Variants in CCDC88A observed in about 807,000 individuals in gnomAD.
CCDC88A encodes girdin.
Under a neutral mutation model 234.3 loss-of-function variants are expected in CCDC88A, and 54 were observed. The observed-to-expected ratio is 0.23, with a 90% CI of 0.19 to 0.29. CCDC88A has a LOEUF of 0.29. Ranked by LOEUF, CCDC88A falls within the 10% of genes least tolerant of loss-of-function variation. CCDC88A has a pLI of 1.00. For synonymous variants in CCDC88A, 753 were observed against 737.8 expected, an observed-to-expected ratio of 1.02 and a Z score of -0.33; for missense variants, 1,832 against 2,123.4, an observed-to-expected ratio of 0.86 and a Z score of 2.70.
intron 12 of CCDC88A, 87 bp downstream of exon 12, chr2:55,343,561 C>A: frequency 1.0e-6 from 1 of 965,976 alleles, no homozygotes; most frequent in South Asian, 1.8e-5. Context: ...GAGATATCTC[C>A]CACTGCGGAA....
In CCDC88A at chr2:55,346,317, G is replaced by A. The variant is rs769621745; in HGVS notation, c.899C>T (p.Ser300Leu). 2.0e-5 allele frequency: 32 copies of A among 1,588,754 alleles called. No individual in the cohort carries two copies. The highest frequency in any genetic ancestry group is 4.0e-5 in the African/African-American group (3 of 74,376). ...RLQQENMNLL[S>L]DARSARMYRD... ...GTACATTCTGGCAGAGCGAGCATCC[G>A]AAAGCAAATTCATGTTCTAAACAAA... Residue 300 changes from serine to leucine, a missense_variant, in exon 10 of 33, where the codon TCG becomes TTG. By Grantham distance (145) the Ser-to-Leu change is moderately radical. Transcript: ENST00000436346.
In CCDC88A at chr2:55,332,722, CTAAG is replaced by C; in HGVS notation, c.2728-33_2728-30del. 1 of 1,608,616 alleles carries C rather than the reference CTAAG, an allele frequency of 6.2e-7. No homozygotes were observed. The highest frequency in any genetic ancestry group is 8.5e-7 in the Non-Finnish European group (1 of 1,176,768). ...ATTTTAAAAGAAATGCAAAACTCACCTAAGTGTCAAGGGTATAAACATCTAAGAA... is the reference window on the plus strand; with the variant it reads ...ATTTTAAAAGAAATGCAAAACTCACCTGTCAAGGGTATAAACATCTAAGAA... On this transcript the variant is annotated intron_variant, in intron 15 of 32. Transcript: ENST00000436346. This position sits in a 1 kb window ranked among gnomAD's most constrained non-coding sequence, Gnocchi z 4.5.
chr2:55,299,977 G>A, intron 28 of CCDC88A, 58 bp from the exon 29 acceptor site: 1 of 1,102,818 alleles, frequency 9.1e-7, no homozygotes, highest in South Asian at 1.3e-5. Flanking sequence ...ATGCTGATGA[G>A]CTTTTACATT....
Position 55,301,406 on chromosome 2 carries a change from T to C in CCDC88A, c.4673-129A>G, listed in dbSNP as rs528470492. On this transcript the variant is annotated intron_variant, in intron 27 of 32. Transcript: ENST00000436346. The stretch of plus-strand genomic sequence containing the variant: ...ATACAGATTGACTTAACATATTTCA[T>C]AGACTCAACTAGAAACTGGAACTAG... 771 of 557,442 alleles carry C rather than the reference T, an allele frequency of 1.4e-3. 2 individuals carry two copies. Among genetic ancestry groups the C allele is most frequent in the Non-Finnish European group, 2.1e-3 (681 of 325,110 alleles). 34.5% of individuals were successfully genotyped at this position (557,442 alleles called of 1,614,324 possible). A position where few individuals can be genotyped will look rare whatever the true frequency, so the allele number is the denominator to read the frequency against.
At chr2:55,305,349 T>C (rs1465996361) in intron 25 of CCDC88A, among the ~76,000 whole-genome samples, 1 of 152,194 alleles carries the variant, frequency 6.6e-6, no homozygotes, top group Admixed American at 6.5e-5. Context: ...AAGGGAACAT[T>C]AGTATTTGTT....
At chr2:55,346,555 G>A (rs1461547255) in intron 9 of CCDC88A, among the ~76,000 whole-genome samples, 2 of 151,936 alleles carry the variant, frequency 1.3e-5, no homozygotes, top group Non-Finnish European at 2.9e-5. Flanking sequence ...AAGTAGCTGG[G>A]ATTAAAAGCT....
intron 28 of CCDC88A, chr2:55,300,232 G>A (rs1488512170): frequency 9.7e-6 from 3 of 308,352 alleles, no homozygotes; most frequent in African/African-American, 4.3e-5. Flanking sequence ...CCCCCAAAAT[G>A]CTATTGATTG....
chr2:55,376,038 G>A (rs960381571), intron 3 of CCDC88A, among the ~76,000 whole-genome samples: 4 of 152,054 alleles, frequency 2.6e-5, no homozygotes, highest in East Asian at 1.9e-4. Flanking sequence ...GATTCTGAAC[G>A]TACAAGGTGA....
intron 2 of CCDC88A, among the ~76,000 whole-genome samples, chr2:55,399,186 G>C (rs1184862610): frequency 6.6e-6 from 1 of 152,000 alleles, no homozygotes; most frequent in Admixed American, 6.6e-5. Flanking sequence ...TACCAGAATA[G>C]ACACATTATC....
chr2:55,291,187 A>C (rs1275274720), intron 32 of CCDC88A, 23 bp from the exon 33 acceptor site: 1 of 152,602 alleles, frequency 6.6e-6, no homozygotes, highest in East Asian at 1.9e-4. Context: ...GGAAGGTAGA[A>C]AGAAGAAAGA....
chr2:55,348,279 T>G (rs1669431729), intron 9 of CCDC88A, among the ~76,000 whole-genome samples: 2 of 133,820 alleles, frequency 1.5e-5, no homozygotes, highest in Admixed American at 1.4e-4. Context: ...TGACTTAATT[T>G]TTTTTTTTTT....
intron 25 of CCDC88A, among the ~76,000 whole-genome samples, chr2:55,307,656 A>AT (rs1003401799): frequency 3.3e-5 from 5 of 151,148 alleles, no homozygotes; most frequent in Admixed American, 6.6e-5. Context: ...TCCCGGCCTA[A>AT]TTTTTTTTAA....
rs989683383 is a variant in CCDC88A, at chr2:55,328,592, C to A, written c.2856-157G>T. On this transcript the variant is annotated intron_variant, in intron 16 of 32. Transcript: ENST00000436346. The surrounding 1 kb of genome is among the most constrained non-coding windows in gnomAD (Gnocchi z 4.3). The stretch of plus-strand genomic sequence containing the variant: ...ATTATCCTCTTCTTACTGCCCCATT[C>A]TCCCTTTAAAACTAATCCTGGTAAT... 10 of 475,224 alleles carry A rather than the reference C, an allele frequency of 2.1e-5. No individual in the cohort carries two copies. The Admixed American group carries it at 2.1e-4, about 10-fold the overall frequency. The allele number at this position is 475,224 out of a possible 1,614,324, so 29.4% of individuals were successfully genotyped here.
At chr2:55,412,050 G>A (rs1005350985) in intron 2 of CCDC88A, among the ~76,000 whole-genome samples, 1 of 152,154 alleles carries the variant, frequency 6.6e-6, no homozygotes, top group African/African-American at 2.4e-5. Flanking sequence ...ACTAAAACTA[G>A]AAGGTATTCT....
intron 18 of CCDC88A, chr2:55,321,244 T>C (rs549991424): frequency 1.3e-5 from 2 of 152,154 alleles, no homozygotes; most frequent in African/African-American, 4.8e-5. Flanking sequence ...TAGCATTCTA[T>C]GAACATGTTT....
chr2:55,367,465 T>C (rs541247481), intron 5 of CCDC88A, among the ~76,000 whole-genome samples: 55 of 150,316 alleles, frequency 3.7e-4, no homozygotes, highest in South Asian at 1.5e-3. Flanking sequence ...CTTTGAGCTA[T>C]ATTTGTATTT....
chr2:55,351,929 G>A (rs1044396700), intron 8 of CCDC88A, among the ~76,000 whole-genome samples: 5 of 152,140 alleles, frequency 3.3e-5, no homozygotes, highest in Non-Finnish European at 7.4e-5. Flanking sequence ...CAACATGGAT[G>A]AACCTGGAAA....
chr2:55,315,778 C>T, intron 22 of CCDC88A, 150 bp downstream of exon 22: 1 of 427,622 alleles, frequency 2.3e-6, no homozygotes, highest in East Asian at 3.4e-5. Context: ...TTCTGAATTA[C>T]ATGTAAGTTT....
intron 5 of CCDC88A, 88 bp downstream of exon 5, chr2:55,372,364 C>T: frequency 4.8e-6 from 3 of 618,868 alleles, no homozygotes; most frequent in African/African-American, 3.7e-5. Flanking sequence ...ACCAATGGTC[C>T]ATCCTTAAGT....
Sources: allele counts gnomAD v4.1 joint callset (sites outside exome capture counted in the v4.1 genomes callset), GRCh38; gene constraint gnomAD v4.1.1; non-coding constraint Gnocchi (gnomAD v3.1); transcripts MANE v1.5; gene names NCBI Gene and HGNC (gene_info 2026-07-23, HGNC 2026-07-21).